Variants in UGT1A6 observed in about 807,000 individuals in gnomAD.
The protein encoded by UGT1A6 is UDP-glucuronosyltransferase 1A6.
A neutral mutation model predicts 44.4 loss-of-function variants in UGT1A6; 32 were observed. The observed-to-expected ratio is 0.72, with a 90% CI of 0.54 to 0.97. The LOEUF (loss-of-function observed/expected upper bound fraction) is 0.97, where lower values mean the gene tolerates loss of function less well. Ranked by LOEUF, UGT1A6 falls within the 50% of genes least tolerant of loss-of-function variation. The probability of loss-of-function intolerance (pLI) is 0.00; values close to 1 mark genes in which losing one functional copy is unlikely to be tolerated. For missense variants in UGT1A6, 685 were observed against 661.9 expected (o/e 1.03, Z -0.38); for synonymous variants, 238 against 248.5 (o/e 0.96, Z 0.40).
At chr2:233,721,128 G>C (rs920776515) in intron 1 of UGT1A6, among the ~76,000 whole-genome samples, 1 of 152,006 alleles carries the variant, frequency 6.6e-6, no homozygotes, top group Non-Finnish European at 1.5e-5. Context: ...CTTTTTATTA[G>C]TGTAGGTATT....
At chr2:233,743,969 G>GC in intron 1 of UGT1A6, 3 of 1,324,978 alleles carry the variant, frequency 2.3e-6, no homozygotes, top group South Asian at 2.4e-5. Flanking sequence ...CGGCAAGGCT[G>GC]CCAGCACCCA....
intron 1 of UGT1A6, chr2:233,747,887 T>G (rs1394358402): frequency 6.2e-6 from 10 of 1,613,492 alleles, no homozygotes; most frequent in African/African-American, 1.3e-5. Context: ...ACCTTTGCCA[T>G]GCTCTTTCTG....
At chr2:233,734,096 T>G (rs1379771064) in intron 1 of UGT1A6, among the ~76,000 whole-genome samples, 5 of 151,518 alleles carry the variant, frequency 3.3e-5, no homozygotes, top group African/African-American at 9.8e-5. Context: ...CCCTAAAACT[T>G]AAAGTATAAT....
chr2:233,719,292 G>C (rs146073833), intron 1 of UGT1A6: 1 of 1,613,496 alleles, frequency 6.2e-7, no homozygotes, highest in South Asian at 1.1e-5. Flanking sequence ...TAACCTCTGT[G>C]GGGCGGTGCT....
intron 1 of UGT1A6, among the ~76,000 whole-genome samples, chr2:233,700,735 A>G (rs368539869): frequency 4.6e-5 from 7 of 151,920 alleles, no homozygotes; most frequent in African/African-American, 1.7e-4. Context: ...TTTTATTATT[A>G]TTATACTTTA....
chr2:233,767,748 T>A (rs2126034446), intron 2 of UGT1A6, 101 bp from the exon 3 acceptor site: 2 of 1,587,100 alleles, frequency 1.3e-6, no homozygotes, highest in East Asian at 4.5e-5. Context: ...TGTTAAAGAC[T>A]GTTCCTTCAG....
At chr2:233,712,339 T>A (rs545397552) in intron 1 of UGT1A6, among the ~76,000 whole-genome samples, 7 of 152,174 alleles carry the variant, frequency 4.6e-5, no homozygotes, top group Non-Finnish European at 1.0e-4. Context: ...AATCTGATCA[T>A]CACATCTTGA....
At chr2:233,696,465 G>T (rs1012923510) in intron 1 of UGT1A6, among the ~76,000 whole-genome samples, 1 of 152,088 alleles carries the variant, frequency 6.6e-6, no homozygotes, top group Admixed American at 6.5e-5. Context: ...ATTTTTGTAA[G>T]TTGATCTTGT....
chr2:233,747,089 ACTCTAT>A, intron 1 of UGT1A6: 1 of 1,215,556 alleles, frequency 8.2e-7, no homozygotes. Context: ...GGAGGAGAGC[ACTCTAT>A]CTTCCAATTA....
chr2:233,721,923 T>C (rs1336715590), intron 1 of UGT1A6: 2 of 399,724 alleles, frequency 5.0e-6, no homozygotes, highest in Non-Finnish European at 5.0e-6. Flanking sequence ...TTCCATAAAG[T>C]GACATCCTTC....
chr2:233,729,818 A>G, intron 1 of UGT1A6: 1 of 1,613,812 alleles, frequency 6.2e-7, no homozygotes, highest in Non-Finnish European at 8.5e-7. Flanking sequence ...TCTGCTCCTT[A>G]TGCAAGCCTT....
At chr2:233,761,445 T>C (rs1438331604) in intron 1 of UGT1A6, among the ~76,000 whole-genome samples, 2 of 152,234 alleles carry the variant, frequency 1.3e-5, no homozygotes, top group African/African-American at 4.8e-5. Flanking sequence ...CACAGAATGC[T>C]GGGTTTGGGG....
intron 1 of UGT1A6, among the ~76,000 whole-genome samples, chr2:233,745,638 C>T (rs530940349): frequency 4.6e-5 from 7 of 151,244 alleles, no homozygotes; most frequent in South Asian, 2.1e-4. Context: ...GAAAGCTGGC[C>T]GAGGGTAGAG....
At chr2:233,700,071 C>T (rs2075541772) in intron 1 of UGT1A6, among the ~76,000 whole-genome samples, 1 of 152,174 alleles carries the variant, frequency 6.6e-6, no homozygotes, top group Non-Finnish European at 1.5e-5. Context: ...GGTGTCTACC[C>T]AGCAAGGCCC....
intron 1 of UGT1A6, among the ~76,000 whole-genome samples, chr2:233,722,610 G>T (rs1001116668): frequency 5.9e-5 from 9 of 152,028 alleles, no homozygotes; most frequent in Non-Finnish European, 1.3e-4. Context: ...CTTTACATTT[G>T]ATTTTTCTTA....
intron 1 of UGT1A6, among the ~76,000 whole-genome samples, chr2:233,717,273 A>G (rs3806593): frequency 0.1 from 15,402 of 152,148 alleles, 886 homozygotes; most frequent in East Asian, 0.2. Context: ...ATAGTTGAGA[A>G]GCTGAGATGT....
In UGT1A6 at chr2:233,769,722, G is replaced by C. The variant is rs906143757; in HGVS notation, c.1301+1283G>C. The C allele has an allele frequency of 4.0e-5, 60 of 1,484,822 alleles. No homozygotes were observed. The highest frequency in any genetic ancestry group is 4.9e-5 in the Non-Finnish European group (55 of 1,116,098). 92.0% of individuals were successfully genotyped at this position (1,484,822 alleles called of 1,614,324 possible). On this transcript the variant is annotated intron_variant, in intron 4 of 4. Coordinates refer to ENST00000305139, the MANE Select transcript of UGT1A6 (RefSeq NM_001072.4). The surrounding 1 kb of genome is among the most constrained non-coding windows in gnomAD (Gnocchi z 4.4). ...AGATCAATGTTGGCTAGGCACCATGGCACACGCCTGTAGTCCCAGCCACTC... is the reference window on the plus strand; with the variant it reads ...AGATCAATGTTGGCTAGGCACCATGCCACACGCCTGTAGTCCCAGCCACTC...
chr2:233,717,151 C>T (rs1484349429), intron 1 of UGT1A6, among the ~76,000 whole-genome samples: 2 of 152,200 alleles, frequency 1.3e-5, no homozygotes, highest in Non-Finnish European at 2.9e-5. Flanking sequence ...GGAAATAGAA[C>T]ATGGGAGCCC....
intron 1 of UGT1A6, among the ~76,000 whole-genome samples, chr2:233,706,920 A>G (rs2075930825): frequency 6.6e-6 from 1 of 152,182 alleles, no homozygotes; most frequent in South Asian, 2.1e-4. Flanking sequence ...CTGCCAGAGT[A>G]TGAGTCTGGT....
Sources: allele counts gnomAD v4.1 joint callset (sites outside exome capture counted in the v4.1 genomes callset), GRCh38; gene constraint gnomAD v4.1.1; non-coding constraint Gnocchi (gnomAD v3.1); transcripts MANE v1.5; gene names NCBI Gene and HGNC (gene_info 2026-07-23, HGNC 2026-07-21).